Variants in LINGO2 observed in about 807,000 individuals in gnomAD.
LINGO2 encodes leucine rich repeat and Ig domain containing 2.
A neutral mutation model predicts 30.6 loss-of-function variants in LINGO2; 14 were observed. The observed-to-expected ratio is 0.46, with a 90% CI of 0.30 to 0.72. LINGO2 has a LOEUF of 0.72. LINGO2 is among the 30% of genes least tolerant of loss of function. LINGO2 has a pLI of 0.07. For missense variants in LINGO2, 729 were observed against 751.7 expected (o/e 0.97, Z 0.35); for synonymous variants, 317 against 288.5 (o/e 1.10, Z -1.00).
chr9:28,749,001 C>A, the LINGO2 span, among the ~76,000 whole-genome samples: 2 of 151,822 alleles, frequency 1.3e-5, no homozygotes, highest in Non-Finnish European at 2.9e-5. Flanking sequence ...CCTCCTTTTG[C>A]CTATTTTTGA....
chr9:28,640,961 C>T (rs1043712907), intron 1 of LINGO2, among the ~76,000 whole-genome samples: 1 of 152,140 alleles, frequency 6.6e-6, no homozygotes, highest in South Asian at 2.1e-4. Flanking sequence ...ATGGTTTTAT[C>T]TACCTTTGGT....
chr9:28,883,480 C>T, the LINGO2 span, among the ~76,000 whole-genome samples: 1 of 151,572 alleles, frequency 6.6e-6, no homozygotes, highest in African/African-American at 2.4e-5. Context: ...AGATCAAACA[C>T]AACTTCCCAA....
intron 2 of LINGO2, among the ~76,000 whole-genome samples, chr9:28,463,524 G>A (rs1179459897): frequency 6.6e-6 from 1 of 152,028 alleles, no homozygotes; most frequent in Non-Finnish European, 1.5e-5. Flanking sequence ...ATCAAGTAAT[G>A]TAAATTAAAT....
intron 2 of LINGO2, among the ~76,000 whole-genome samples, chr9:28,439,273 ATGTGTG>A (rs148850262): frequency 2.0e-5 from 3 of 150,364 alleles, no homozygotes; most frequent in Non-Finnish European, 3.0e-5. Flanking sequence ...ATGTATATAT[ATGTGTG>A]TGTGTGTGTG....
chr9:28,052,335 T>C (rs563820315), intron 4 of LINGO2, among the ~76,000 whole-genome samples: 1 of 152,238 alleles, frequency 6.6e-6, no homozygotes, highest in South Asian at 2.1e-4. Flanking sequence ...ACTAGTTTAT[T>C]AGGCTATTAT....
At chr9:28,931,413 G>C in the LINGO2 span, among the ~76,000 whole-genome samples, 1 of 152,102 alleles carries the variant, frequency 6.6e-6, no homozygotes, top group Non-Finnish European at 1.5e-5. Flanking sequence ...CCTCCATCTG[G>C]GCAGGTACAA....
chr9:28,240,723 T>C (rs940264586), intron 4 of LINGO2, among the ~76,000 whole-genome samples: 1 of 152,086 alleles, frequency 6.6e-6, no homozygotes, highest in Non-Finnish European at 1.5e-5. Flanking sequence ...CTCCAGTAAA[T>C]TGGTCTGGGC....
the LINGO2 span, among the ~76,000 whole-genome samples, chr9:29,054,956 C>T: frequency 6.6e-6 from 1 of 151,980 alleles, no homozygotes; most frequent in South Asian, 2.1e-4. Context: ...CGGTGGATCG[C>T]GCCTGTAATC....
At chr9:28,986,582 C>A in the LINGO2 span, among the ~76,000 whole-genome samples, 1 of 151,926 alleles carries the variant, frequency 6.6e-6, no homozygotes, top group Non-Finnish European at 1.5e-5. Flanking sequence ...ATATACAAGT[C>A]CTTTATCTCC....
intron 5 of LINGO2, among the ~76,000 whole-genome samples, chr9:28,008,713 T>A (rs1345774734): frequency 6.6e-6 from 1 of 152,164 alleles, no homozygotes; most frequent in African/African-American, 2.4e-5. Flanking sequence ...TACTTAGAAC[T>A]AAGTTTAAGA....
chr9:28,754,082 G>A, the LINGO2 span, among the ~76,000 whole-genome samples: 4 of 149,598 alleles, frequency 2.7e-5, no homozygotes, highest in Admixed American at 2.0e-4. Flanking sequence ...TTAAAGCTAG[G>A]TATCTACATT....
At chr9:28,034,425 T>C (rs1319013665) in intron 4 of LINGO2, among the ~76,000 whole-genome samples, 1 of 152,220 alleles carries the variant, frequency 6.6e-6, no homozygotes, top group African/African-American at 2.4e-5. Flanking sequence ...AAAATGTGTA[T>C]ATTCCAGGCA....
chr9:29,014,935 A>AC, the LINGO2 span, among the ~76,000 whole-genome samples: 1 of 151,992 alleles, frequency 6.6e-6, no homozygotes, highest in African/African-American at 2.4e-5. Context: ...ACTAAAGGAG[A>AC]CCCTTTCTAA....
the LINGO2 span, among the ~76,000 whole-genome samples, chr9:29,035,114 T>G: frequency 6.6e-6 from 1 of 152,212 alleles, no homozygotes; most frequent in East Asian, 1.9e-4. Flanking sequence ...GGAATATACA[T>G]AAGACATAAA....
At chr9:28,761,193 A>G in the LINGO2 span, among the ~76,000 whole-genome samples, 1 of 151,936 alleles carries the variant, frequency 6.6e-6, no homozygotes, top group Non-Finnish European at 1.5e-5. Context: ...GAAAAGGATA[A>G]GTTAATCCTA....
At chr9:28,969,214 T>C in the LINGO2 span, among the ~76,000 whole-genome samples, 385 of 152,298 alleles carry the variant, frequency 2.5e-3, 1 homozygote, top group African/African-American at 8.6e-3. Flanking sequence ...TTAAGGCATA[T>C]TGGATGTCTT....
chr9:28,475,423 A>G (rs1312653129), intron 2 of LINGO2, among the ~76,000 whole-genome samples: 1 of 152,192 alleles, frequency 6.6e-6, no homozygotes, highest in Non-Finnish European at 1.5e-5. Context: ...AAGGCAAGTC[A>G]CATCATCTGT....
chr9:28,319,233 C>T (rs1010043238), intron 3 of LINGO2, among the ~76,000 whole-genome samples: 5 of 152,068 alleles, frequency 3.3e-5, no homozygotes, highest in African/African-American at 1.2e-4. Flanking sequence ...GGATGGCCAC[C>T]CACCTTCCGT....
chr9:29,006,607 T>C, the LINGO2 span, among the ~76,000 whole-genome samples: 1 of 152,080 alleles, frequency 6.6e-6, no homozygotes, highest in African/African-American at 2.4e-5. Context: ...AAGGAACACT[T>C]TACTTTTGCT....
Sources: allele counts gnomAD v4.1 joint callset (sites outside exome capture counted in the v4.1 genomes callset), GRCh38; gene constraint gnomAD v4.1.1; transcripts MANE v1.5; gene names NCBI Gene and HGNC (gene_info 2026-07-23, HGNC 2026-07-21).